The following MAPKAP1 variants were observed in gnomAD, a reference collection of about 807,000 sequenced individuals.
MAPKAP1 encodes MAPK associated protein 1.
Under a neutral mutation model 65.7 loss-of-function variants are expected in MAPKAP1, and 20 were observed. That is an observed-to-expected ratio of 0.30 (90% CI 0.21 to 0.44). The LOEUF (loss-of-function observed/expected upper bound fraction) is 0.44, where lower values mean the gene tolerates loss of function less well. MAPKAP1 is among the 20% of genes least tolerant of loss of function. MAPKAP1 has a pLI of 1.00. For missense variants in MAPKAP1, 423 were observed against 648.0 expected (o/e 0.65, Z 3.77); for synonymous variants, 222 against 244.3 (o/e 0.91, Z 0.85).
intron 5 of MAPKAP1, among the ~76,000 whole-genome samples, chr9:125,576,887 C>T (rs989237594): frequency 3.9e-5 from 6 of 152,068 alleles, no homozygotes; most frequent in African/African-American, 7.2e-5. Flanking sequence ...ACCTCCCAGC[C>T]GCCTGCCTTG....
At position 125,535,773 on chromosome 9, in the gene MAPKAP1, G is replaced by A. The variant is rs566381596; in HGVS notation, c.958+7286C>T. On this transcript the variant is annotated intron_variant, in intron 7 of 11. Transcript: ENST00000265960. ...GTAATGTAGAATTATTTCCTGAGAA[G>A]CTATTATTAAATTGGCGGTGCTCTA... 3.0e-4 allele frequency among the ~76,000 whole-genome samples: 45 copies of A among 152,308 alleles called. No individual in the cohort carries two copies. The South Asian group carries it at 8.7e-3, about 29-fold the overall frequency.
At chr9:125,586,200 A>C (rs567253194) in intron 4 of MAPKAP1, among the ~76,000 whole-genome samples, 2 of 152,262 alleles carry the variant, frequency 1.3e-5, no homozygotes, top group African/African-American at 4.8e-5. Context: ...ACTGGGGGCT[A>C]GTTCCACTAG....
chr9:125,616,288 CTT>C (rs1193362428), intron 4 of MAPKAP1, among the ~76,000 whole-genome samples: 1 of 152,068 alleles, frequency 6.6e-6, no homozygotes, highest in African/African-American at 2.4e-5. Context: ...GGGAAAATAA[CTT>C]TATAATCTTG....
At chr9:125,502,949 A>AG (rs11420612) in intron 8 of MAPKAP1, among the ~76,000 whole-genome samples, 104,152 of 151,994 alleles carry the variant, frequency 0.69, 35,786 homozygotes, top group Middle Eastern at 0.74. Context: ...ATATATTTTG[A>AG]GCATATAGGT....
intron 3 of MAPKAP1, among the ~76,000 whole-genome samples, chr9:125,664,591 GGCAGAT>G (rs1834284090): frequency 1.3e-5 from 2 of 151,456 alleles, no homozygotes; most frequent in African/African-American, 4.8e-5. Context: ...CAGGCGTGGT[GGCAGAT>G]GCCTGTAATC....
rs1249480044 is a variant in MAPKAP1 at position 125,595,802 on chromosome 9, A to G, written c.499-10075T>C. ...GGGAACGCTCCCAGACTGTGTGGTA[A>G]TGAAAGATTCCAACACCAAGCGTTC... is the stretch of plus-strand genomic sequence containing the variant. On this transcript the variant is annotated intron_variant, in intron 4 of 11. Transcript: ENST00000265960. The surrounding 1 kb of genome is among the most constrained non-coding windows in gnomAD (Gnocchi z 4.0). The G allele has an allele frequency of 8.7e-7, 1 of 1,155,466 alleles. No homozygotes were observed. The highest frequency in any genetic ancestry group is 1.3e-6 in the Non-Finnish European group (1 of 778,632). The allele number at this position is 1,155,466 out of a possible 1,614,324, so 71.6% of individuals were successfully genotyped here.
intron 7 of MAPKAP1, among the ~76,000 whole-genome samples, chr9:125,507,267 G>T (rs1306777855): frequency 6.6e-6 from 1 of 152,176 alleles, no homozygotes; most frequent in Non-Finnish European, 1.5e-5. Flanking sequence ...CACATAACGG[G>T]TCCAATGATC....
At chr9:125,476,210 A>G (rs1363246760) in intron 9 of MAPKAP1, among the ~76,000 whole-genome samples, 2 of 152,226 alleles carry the variant, frequency 1.3e-5, no homozygotes, top group African/African-American at 4.8e-5. Flanking sequence ...CAAAAGTGGT[A>G]ACGGAGTTTT....
intron 6 of MAPKAP1, among the ~76,000 whole-genome samples, chr9:125,550,103 C>T (rs1201006149): frequency 6.6e-6 from 1 of 152,202 alleles, no homozygotes; most frequent in East Asian, 1.9e-4. Context: ...GGTTCCATAA[C>T]TGTCAGGTCA....
At chr9:125,661,008 A>G (rs1004104865) in intron 3 of MAPKAP1, among the ~76,000 whole-genome samples, 5 of 152,260 alleles carry the variant, frequency 3.3e-5, no homozygotes, top group Non-Finnish European at 5.9e-5. Context: ...AATATTCCTA[A>G]TATGTAAATA....
intron 6 of MAPKAP1, among the ~76,000 whole-genome samples, chr9:125,555,832 T>C (rs77950320): frequency 6.6e-6 from 1 of 152,370 alleles, no homozygotes; most frequent in East Asian, 1.9e-4. Flanking sequence ...CCATGTTCAC[T>C]GAAAGTTATT....
At chr9:125,688,563 G>A (rs1365149635) in intron 1 of MAPKAP1, among the ~76,000 whole-genome samples, 3 of 151,978 alleles carry the variant, frequency 2.0e-5, no homozygotes, top group East Asian at 1.9e-4. Flanking sequence ...AATTTAAATC[G>A]AATAATCAAT....
intron 7 of MAPKAP1, among the ~76,000 whole-genome samples, chr9:125,533,159 G>A (rs1383560798): frequency 3.3e-5 from 5 of 152,150 alleles, no homozygotes; most frequent in Admixed American, 1.3e-4. Context: ...CTAAACTATA[G>A]AGCACATCTT....
At chr9:125,689,656 T>C (rs1269181393) in intron 1 of MAPKAP1, among the ~76,000 whole-genome samples, 1 of 141,844 alleles carries the variant, frequency 7.1e-6, no homozygotes, top group African/African-American at 2.6e-5. Flanking sequence ...TGAGAATCAC[T>C]TGAACCCGGG....
chr9:125,592,760 G>A (rs879573127), intron 4 of MAPKAP1, among the ~76,000 whole-genome samples: 3 of 151,634 alleles, frequency 2.0e-5, no homozygotes, highest in Admixed American at 1.3e-4. Context: ...AAAATTAGCC[G>A]GGCGTGGTGG....
chr9:125,675,688 A>G (rs1163418860), intron 1 of MAPKAP1, among the ~76,000 whole-genome samples: 1 of 152,172 alleles, frequency 6.6e-6, no homozygotes. Context: ...TAAGTTCCAC[A>G]AGGACAGGGT....
intron 5 of MAPKAP1, among the ~76,000 whole-genome samples, chr9:125,569,297 G>A (rs947774736): frequency 6.6e-6 from 1 of 152,172 alleles, no homozygotes; most frequent in African/African-American, 2.4e-5. Context: ...AGCTCAAAAT[G>A]AACTACTCTA....
intron 4 of MAPKAP1, among the ~76,000 whole-genome samples, chr9:125,655,392 T>C (rs1053193134): frequency 2.0e-5 from 3 of 152,190 alleles, no homozygotes; most frequent in Admixed American, 6.5e-5. Context: ...ATCTTAACTC[T>C]AGAGGCAGCC....
At chr9:125,620,784 G>A in intron 4 of MAPKAP1, among the ~76,000 whole-genome samples, 1 of 152,142 alleles carries the variant, frequency 6.6e-6, no homozygotes, top group East Asian at 1.9e-4. Context: ...TACATGTTGT[G>A]TAAAAGGGGA....
Sources: gnomAD v4.1 joint callset for allele counts (sites outside exome capture counted in the v4.1 genomes callset) on GRCh38, gnomAD v4.1.1 for gene constraint, Gnocchi (gnomAD v3.1) non-coding constraint, MANE v1.5 for transcripts, NCBI Gene and HGNC (gene_info 2026-07-23, HGNC 2026-07-21) for gene names.